HS3ST4: variants seen among roughly 807,000 people sequenced by gnomAD.
The protein encoded by HS3ST4 is heparan sulfate-glucosamine 3-sulfotransferase 4.
Under a neutral mutation model 29.2 loss-of-function variants are expected in HS3ST4, and 17 were observed. The observed-to-expected ratio is 0.58, with a 90% CI of 0.40 to 0.87. HS3ST4 has a LOEUF of 0.87. Ranked by LOEUF, HS3ST4 falls within the 40% of genes least tolerant of loss-of-function variation. The pLI is 0.00. For synonymous variants in HS3ST4, 314 were observed against 285.7 expected (o/e 1.10, Z -1.00); for missense variants, 627 against 634.5 (o/e 0.99, Z 0.13).
chr16:25,804,267 C>T (rs1966968456), intron 1 of HS3ST4, among the ~76,000 whole-genome samples: 1 of 152,180 alleles, frequency 6.6e-6, no homozygotes, highest in South Asian at 2.1e-4. Context: ...ACGATAACAG[C>T]AATTTCTAAA....
chr16:26,036,626 TC>T (rs1269382389), intron 1 of HS3ST4, among the ~76,000 whole-genome samples: 2 of 152,176 alleles, frequency 1.3e-5, no homozygotes, highest in African/African-American at 4.8e-5. Flanking sequence ...GTACTTTTTT[TC>T]CTATGCATTC....
intron 1 of HS3ST4, among the ~76,000 whole-genome samples, chr16:25,922,601 G>A (rs1365405543): frequency 6.6e-6 from 1 of 152,250 alleles, no homozygotes; most frequent in East Asian, 1.9e-4. Flanking sequence ...ACAGATATTT[G>A]TTGAGCAATT....
chr16:25,903,535 CAG>C (rs1360585309), intron 1 of HS3ST4, among the ~76,000 whole-genome samples: 1 of 152,022 alleles, frequency 6.6e-6, no homozygotes, highest in East Asian at 1.9e-4. Flanking sequence ...AGTCCATTCT[CAG>C]GGCATCCCTT....
chr16:25,830,298 G>T (rs1040662642), intron 1 of HS3ST4, among the ~76,000 whole-genome samples: 3 of 152,162 alleles, frequency 2.0e-5, no homozygotes, highest in African/African-American at 4.8e-5. Flanking sequence ...CATTTACATT[G>T]CTTTTCTTTT....
At chr16:25,983,578 T>TA (rs1969030983) in intron 1 of HS3ST4, among the ~76,000 whole-genome samples, 1 of 152,242 alleles carries the variant, frequency 6.6e-6, no homozygotes, top group South Asian at 2.1e-4. Context: ...TGGCCACACT[T>TA]ACCTCTGTGT....
At chr16:25,702,596 G>C (rs539795533) in intron 1 of HS3ST4, among the ~76,000 whole-genome samples, 2 of 151,958 alleles carry the variant, frequency 1.3e-5, no homozygotes, top group East Asian at 3.9e-4. Context: ...GTTTGTCTAA[G>C]TCATTGATGC....
chr16:25,897,853 T>C (rs1968085201), intron 1 of HS3ST4, among the ~76,000 whole-genome samples: 1 of 152,152 alleles, frequency 6.6e-6, no homozygotes, highest in African/African-American at 2.4e-5. Context: ...TGCTTTGCTT[T>C]CCCCCCGCCC....
intron 1 of HS3ST4, among the ~76,000 whole-genome samples, chr16:25,791,915 G>A (rs567843613): frequency 5.9e-5 from 9 of 152,102 alleles, no homozygotes; most frequent in African/African-American, 2.2e-4. Context: ...CCAGTGAGGA[G>A]AGCAGACATC....
chr16:26,003,054 A>G (rs1969226870), intron 1 of HS3ST4, among the ~76,000 whole-genome samples: 1 of 151,968 alleles, frequency 6.6e-6, no homozygotes, highest in Admixed American at 6.6e-5. Flanking sequence ...TCCCATCAGT[A>G]ATGTTGGGTA....
At chr16:25,805,047 C>G (rs79146366) in intron 1 of HS3ST4, among the ~76,000 whole-genome samples, 2,450 of 152,154 alleles carry the variant, frequency 0.016, 73 homozygotes, top group African/African-American at 0.057. Flanking sequence ...ATCTTCTCCT[C>G]CAAGTGTGTT....
At chr16:25,722,595 A>G (rs1391398780) in intron 1 of HS3ST4, among the ~76,000 whole-genome samples, 1 of 152,180 alleles carries the variant, frequency 6.6e-6, no homozygotes, top group African/African-American at 2.4e-5. Context: ...GGCTATTTCA[A>G]GTGGATTTTG....
chr16:26,070,701 C>T (rs1307723134), intron 1 of HS3ST4, among the ~76,000 whole-genome samples: 1 of 152,194 alleles, frequency 6.6e-6, no homozygotes, highest in Non-Finnish European at 1.5e-5. Flanking sequence ...CCTATTGAAA[C>T]AACTCCATTT....
chr16:26,012,864 C>T (rs1482109066), intron 1 of HS3ST4, among the ~76,000 whole-genome samples: 1 of 152,008 alleles, frequency 6.6e-6, no homozygotes, highest in African/African-American at 2.4e-5. Context: ...GAGCTGGAGC[C>T]ATTATTGTTA....
chr16:25,982,907 C>A (rs1473244948), intron 1 of HS3ST4, among the ~76,000 whole-genome samples: 1 of 152,200 alleles, frequency 6.6e-6, no homozygotes, highest in Non-Finnish European at 1.5e-5. Context: ...AGTCCGCAGT[C>A]TGAAACAACC....
chr16:25,867,940 G>A (rs908914131), intron 1 of HS3ST4, among the ~76,000 whole-genome samples: 1 of 151,772 alleles, frequency 6.6e-6, no homozygotes, highest in African/African-American at 2.4e-5. Context: ...TAGGAAGATA[G>A]ACAGATAGAG....
chr16:25,994,636 T>G (rs2141730277), intron 1 of HS3ST4, among the ~76,000 whole-genome samples: 1 of 152,352 alleles, frequency 6.6e-6, no homozygotes, highest in Admixed American at 6.5e-5. Flanking sequence ...TCACCTTTTA[T>G]ATGTTGTTAA....
At chr16:26,085,026 T>G (rs934123552) in intron 1 of HS3ST4, among the ~76,000 whole-genome samples, 1 of 152,216 alleles carries the variant, frequency 6.6e-6, no homozygotes, top group Non-Finnish European at 1.5e-5. Context: ...CTCCATCCAG[T>G]GGCTCCACGG....
intron 1 of HS3ST4, among the ~76,000 whole-genome samples, chr16:25,973,586 C>T (rs1968916631): frequency 6.6e-6 from 1 of 152,144 alleles, no homozygotes. Context: ...TGTTAATAAG[C>T]CCTATCCTAG....
chr16:25,886,027 GT>G (rs34713423), intron 1 of HS3ST4, among the ~76,000 whole-genome samples: 18,512 of 81,926 alleles, frequency 0.23, 539 homozygotes, highest in Non-Finnish European at 0.27. Context: ...TCTTACTGTG[GT>G]TTTTTTTTTT....
Sources: gnomAD v4.1 joint callset for allele counts (sites outside exome capture counted in the v4.1 genomes callset) on GRCh38, gnomAD v4.1.1 for gene constraint, MANE v1.5 for transcripts, NCBI Gene and HGNC (gene_info 2026-07-23, HGNC 2026-07-21) for gene names.